Variants in LRCH1 observed in about 807,000 individuals in gnomAD.
The protein encoded by LRCH1 is leucine-rich repeat and calponin homology domain-containing protein 1.
Under a neutral mutation model 94.9 loss-of-function variants are expected in LRCH1, and 23 were observed. That is an observed-to-expected ratio of 0.24 (90% CI 0.17 to 0.34). The LOEUF is 0.34. Ranked by LOEUF, LRCH1 falls within the 10% of genes least tolerant of loss-of-function variation. The pLI, the probability that LRCH1 is intolerant of heterozygous loss-of-function variation, is 1.00. For synonymous variants in LRCH1, 364 were observed against 354.9 expected, an observed-to-expected ratio of 1.03 and a Z score of -0.29; for missense variants, 790 against 945.9, an observed-to-expected ratio of 0.84 and a Z score of 2.16.
At chr13:46,586,438 C>T (rs564619571) in intron 1 of LRCH1, among the ~76,000 whole-genome samples, 1 of 152,272 alleles carries the variant, frequency 6.6e-6, no homozygotes, top group East Asian at 1.9e-4. Context: ...TTTTTTGAGA[C>T]AGGGTCTCCC....
At chr13:46,693,933 A>G (rs374249408) in intron 8 of LRCH1, among the ~76,000 whole-genome samples, 2 of 132,904 alleles carry the variant, frequency 1.5e-5, no homozygotes, top group East Asian at 5.0e-4. Context: ...GAGCTGTTTA[A>G]GTTCACTCAA....
intron 1 of LRCH1, among the ~76,000 whole-genome samples, chr13:46,608,887 C>CAG (rs1189020085): frequency 6.6e-6 from 1 of 152,178 alleles, no homozygotes; most frequent in Non-Finnish European, 1.5e-5. Context: ...TGCATGCATT[C>CAG]TCCTTAAAGA....
chr13:46,586,599 G>A (rs2050438087), intron 1 of LRCH1, among the ~76,000 whole-genome samples: 1 of 152,136 alleles, frequency 6.6e-6, no homozygotes, highest in African/African-American at 2.4e-5. Context: ...TGTATTTTTA[G>A]TAGAGATGGG....
At chr13:46,716,251 G>A (rs1299335342) in intron 16 of LRCH1, among the ~76,000 whole-genome samples, 1 of 151,948 alleles carries the variant, frequency 6.6e-6, no homozygotes, top group East Asian at 1.9e-4. Flanking sequence ...ATAGTAACTT[G>A]GCCTGAGAAT....
intron 7 of LRCH1, among the ~76,000 whole-genome samples, chr13:46,691,981 C>A (rs935769858): frequency 1.3e-5 from 2 of 152,186 alleles, no homozygotes; most frequent in Non-Finnish European, 2.9e-5. Context: ...AGCCACCACG[C>A]CTGGCTGATG....
In LRCH1 at chr13:46,687,885, T is replaced by C; in HGVS notation, c.856T>C (p.Tyr286His). 6.2e-7 allele frequency: 1 copy of C among 1,612,882 alleles called. No homozygotes were observed. Among genetic ancestry groups the C allele is most frequent in the Non-Finnish European group, 8.5e-7 (1 of 1,179,356 alleles). Reference sequence around the variant, plus strand: ...AAAGGGCAAAGTTCACATATTTAAGTATCTGAGCATACAAGCATGCCAGAT... The same window carrying C: ...AAAGGGCAAAGTTCACATATTTAAGCATCTGAGCATACAAGCATGCCAGAT... ...CTKGKVHIFK[Y>H]LSIQACQIKT... is the part of the protein sequence containing the mutation. Residue 286 changes from tyrosine (Y) to histidine (H), a missense_variant, in exon 6 of 20, where the codon TAT becomes CAT. Coordinates refer to ENST00000389797, the MANE Select transcript of LRCH1 (RefSeq NM_001164211.2).
downstream of LRCH1, among the ~76,000 whole-genome samples, chr13:46,746,626 T>C (rs776237109): frequency 7.2e-5 from 11 of 152,214 alleles, no homozygotes; most frequent in Non-Finnish European, 1.5e-4. Flanking sequence ...CTTAAATTCA[T>C]TTCAAGTCAA....
exon 19 of LRCH1, chr13:46,751,893 G>A (rs1008034315): frequency 6.6e-6 from 1 of 152,230 alleles, no homozygotes; most frequent in Non-Finnish European, 1.5e-5. Context: ...ATTCTGAGAT[G>A]TGCTCATTTT....
At chr13:46,692,395 G>A (rs1870944025) in intron 7 of LRCH1, 141 bp from the exon 8 acceptor site, 1 of 565,202 alleles carries the variant, frequency 1.8e-6, no homozygotes, top group African/African-American at 1.9e-5. Flanking sequence ...TTACATAAGT[G>A]GAATTGACCT....
chr13:46,700,209 G>A (rs1871393147), intron 10 of LRCH1, among the ~76,000 whole-genome samples: 1 of 152,182 alleles, frequency 6.6e-6, no homozygotes, highest in Non-Finnish European at 1.5e-5. Context: ...TAATCTGGGA[G>A]GCAGGTGTTG....
At chr13:46,574,794 G>A (rs1459491315) in intron 1 of LRCH1, among the ~76,000 whole-genome samples, 1 of 145,612 alleles carries the variant, frequency 6.9e-6, no homozygotes, top group Non-Finnish European at 1.5e-5. Context: ...GTTTACTTTC[G>A]GTTGTCTGGC....
At chr13:46,593,772 C>G (rs1020869742) in intron 1 of LRCH1, among the ~76,000 whole-genome samples, 1 of 152,152 alleles carries the variant, frequency 6.6e-6, no homozygotes, top group African/African-American at 2.4e-5. Context: ...CTCCCAATCT[C>G]TGTCAGTTTC....
chr13:46,716,312 A>G (rs1278106385), intron 16 of LRCH1, among the ~76,000 whole-genome samples: 1 of 152,188 alleles, frequency 6.6e-6, no homozygotes, highest in Non-Finnish European at 1.5e-5. Flanking sequence ...TCATGTGGGT[A>G]TCTTTTAATT....
chr13:46,613,386 GA>G (rs35503529), intron 1 of LRCH1, among the ~76,000 whole-genome samples: 120,247 of 144,262 alleles, frequency 0.83, 50,443 homozygotes, highest in African/African-American at 0.95. Context: ...GACCCCGTCT[GA>G]AAAAAAAAAA....
intron 1 of LRCH1, 98 bp downstream of exon 1, chr13:46,553,801 T>C: frequency 1.3e-6 from 2 of 1,544,370 alleles, no homozygotes; most frequent in Non-Finnish European, 1.7e-6. Context: ...CTTGTCTTGC[T>C]GGGGGAGGGA....
rs1490842548 is a variant in LRCH1 at position 46,744,220 on chromosome 13, G to C, written c.*2372G>C. The C allele has an allele frequency of 1.0e-6, 1 of 985,294 alleles. No individual in the cohort carries two copies. The highest frequency in any genetic ancestry group is 1.2e-6 in the Non-Finnish European group (1 of 829,938). 61.0% of individuals were successfully genotyped at this position (985,294 alleles called of 1,614,324 possible). Reference sequence around the variant, plus strand: ...TGGGGATACCTGGCTGACCTCCTTAGAGTCTGAGAAGTAGTCAGGGATGTC... The same window carrying C: ...TGGGGATACCTGGCTGACCTCCTTACAGTCTGAGAAGTAGTCAGGGATGTC... On this transcript the variant is annotated 3_prime_UTR_variant, in exon 20 of 20. Transcript: ENST00000389797.
chr13:46,595,061 A>G (rs2050544396), intron 1 of LRCH1, among the ~76,000 whole-genome samples: 1 of 152,146 alleles, frequency 6.6e-6, no homozygotes, highest in Non-Finnish European at 1.5e-5. Context: ...AATTATTAAT[A>G]CCATGATGAT....
chr13:46,599,561 T>C (rs904145609), intron 1 of LRCH1, among the ~76,000 whole-genome samples: 11 of 152,212 alleles, frequency 7.2e-5, no homozygotes, highest in African/African-American at 2.4e-4. Context: ...CTAAATAATA[T>C]TGTTGAAGAA....
At chr13:46,632,093 C>T (rs955552259) in intron 1 of LRCH1, among the ~76,000 whole-genome samples, 5 of 152,062 alleles carry the variant, frequency 3.3e-5, no homozygotes, top group Non-Finnish European at 7.4e-5. Flanking sequence ...GTCCCAGCTA[C>T]TCAGGAGGCT....
Sources: allele counts gnomAD v4.1 joint callset (sites outside exome capture counted in the v4.1 genomes callset), GRCh38; gene constraint gnomAD v4.1.1; transcripts MANE v1.5; gene names NCBI Gene and HGNC (gene_info 2026-07-23, HGNC 2026-07-21).